RRAS2: variants seen among roughly 807,000 people sequenced by gnomAD.
The protein encoded by RRAS2 is ras-related protein R-Ras2.
A neutral mutation model predicts 27.6 loss-of-function variants in RRAS2; 7 were observed. The ratio of observed to expected loss-of-function variants is 0.25; its 90% CI spans 0.14 to 0.48. The LOEUF is 0.48. Ranked by LOEUF, RRAS2 falls within the 20% of genes least tolerant of loss-of-function variation. The pLI, the probability that RRAS2 is intolerant of heterozygous loss-of-function variation, is 0.99. For missense variants in RRAS2, 178 were observed against 256.2 expected, an observed-to-expected ratio of 0.69 and a Z score of 2.08; for synonymous variants, 86 against 90.9, an observed-to-expected ratio of 0.95 and a Z score of 0.31.
chr11:14,295,923 T>C (rs781903411), intron 1 of RRAS2, 68 bp from the exon 2 acceptor site: 4 of 1,451,740 alleles, frequency 2.8e-6, no homozygotes, highest in South Asian at 2.3e-5. Flanking sequence ...CCTGTAATCC[T>C]ATGCTCTGGG....
chr11:14,348,813 T>C lies in RRAS2; in HGVS notation c.108+9950A>G, dbSNP rs1273433397. 2.0e-5 allele frequency among the ~76,000 whole-genome samples: 3 copies of C among 152,296 alleles called. No homozygotes were observed. The South Asian group carries it at 6.2e-4, about 32-fold the overall frequency. On this transcript the variant is annotated intron_variant, in intron 1 of 5. Transcript: ENST00000256196. The stretch of plus-strand genomic sequence containing the variant: ...TTCCAGTAGAGAATAGTATTAATGG[T>C]ATTTAGAAACCAAGATCTAGTGCTA...
chr11:14,281,565 T>C, intron 5 of RRAS2, 37 bp downstream of exon 5: 4 of 1,473,542 alleles, frequency 2.7e-6, no homozygotes, highest in Middle Eastern at 1.8e-4. Flanking sequence ...TTAATAGTAA[T>C]TTATTAAAAC....
At chr11:14,306,612 T>C (rs978697384) in intron 1 of RRAS2, among the ~76,000 whole-genome samples, 1 of 152,126 alleles carries the variant, frequency 6.6e-6, no homozygotes, top group African/African-American at 2.4e-5. Context: ...ATACCCAGGA[T>C]TTTGGGCAAT....
At chr11:14,345,204 TG>T (rs1848804601) in intron 1 of RRAS2, among the ~76,000 whole-genome samples, 1 of 152,114 alleles carries the variant, frequency 6.6e-6, no homozygotes, top group Non-Finnish European at 1.5e-5. Flanking sequence ...CAGGCTGGTC[TG>T]GAACTCCTGA....
intron 1 of RRAS2, among the ~76,000 whole-genome samples, chr11:14,325,390 C>T (rs1021606708): frequency 1.6e-4 from 24 of 150,316 alleles, no homozygotes; most frequent in Admixed American, 1.3e-4. Flanking sequence ...TGGCTCACTG[C>T]AAGCTCTGCC....
intron 1 of RRAS2, among the ~76,000 whole-genome samples, chr11:14,326,062 C>T (rs1230448974): frequency 6.6e-6 from 1 of 152,100 alleles, no homozygotes; most frequent in African/African-American, 2.4e-5. Flanking sequence ...AAAACATGGA[C>T]GTGTACTAGA....
intron 1 of RRAS2, among the ~76,000 whole-genome samples, chr11:14,350,194 CTGACTG>C (rs1848921004): frequency 6.6e-6 from 1 of 151,924 alleles, no homozygotes; most frequent in Non-Finnish European, 1.5e-5. Flanking sequence ...TTTTTTTTCA[CTGACTG>C]TAAGTTTGGT....
chr11:14,337,634 A>G (rs183405832), intron 1 of RRAS2, among the ~76,000 whole-genome samples: 68 of 152,298 alleles, frequency 4.5e-4, no homozygotes, highest in Non-Finnish European at 8.5e-4. Context: ...TACTGTGCCT[A>G]ATTTATAAAT....
chr11:14,345,468 C>T (rs1032153207), intron 1 of RRAS2, among the ~76,000 whole-genome samples: 1 of 152,114 alleles, frequency 6.6e-6, no homozygotes, highest in South Asian at 2.1e-4. Context: ...TACTAAAATA[C>T]TTATAGTCTA....
chr11:14,317,153 T>A (rs373849028), intron 1 of RRAS2, among the ~76,000 whole-genome samples: 2 of 152,340 alleles, frequency 1.3e-5, no homozygotes, highest in African/African-American at 4.8e-5. Flanking sequence ...CTTATAGGTG[T>A]TGGGTGGAGT....
intron 1 of RRAS2, among the ~76,000 whole-genome samples, chr11:14,348,538 A>C (rs559105520): frequency 1.3e-5 from 2 of 152,182 alleles, no homozygotes; most frequent in Non-Finnish European, 2.9e-5. Flanking sequence ...GGACTTCTAG[A>C]TCATTTATTT....
At chr11:14,287,554 C>G (rs1849695385) in intron 4 of RRAS2, among the ~76,000 whole-genome samples, 1 of 152,068 alleles carries the variant, frequency 6.6e-6, no homozygotes. Flanking sequence ...ACAGGAATAG[C>G]AACTCACCTA....
intron 1 of RRAS2, among the ~76,000 whole-genome samples, chr11:14,347,656 C>CA (rs1387786135): frequency 1.3e-5 from 2 of 151,774 alleles, no homozygotes; most frequent in African/African-American, 2.4e-5. Flanking sequence ...CTCGTCGCTA[C>CA]AAAAAATCAA....
At chr11:14,317,190 AT>A (rs1554949658) in intron 1 of RRAS2, among the ~76,000 whole-genome samples, 48 of 152,356 alleles carry the variant, frequency 3.2e-4, no homozygotes, top group Middle Eastern at 3.4e-3. Context: ...CATCCAAGTT[AT>A]GGAAGAAGAG....
intron 4 of RRAS2, among the ~76,000 whole-genome samples, chr11:14,294,076 A>T (rs2133960900): frequency 6.6e-6 from 1 of 152,384 alleles, no homozygotes; most frequent in East Asian, 1.9e-4. Context: ...GCCATTCTCT[A>T]CATGAAGTTA....
intron 1 of RRAS2, among the ~76,000 whole-genome samples, chr11:14,342,554 G>A (rs1848735836): frequency 6.6e-6 from 1 of 152,128 alleles, no homozygotes; most frequent in Admixed American, 6.5e-5. Flanking sequence ...TTACCGCATT[G>A]TATAGGAAAA....
At chr11:14,298,062 GTAAA>G (rs1847603013) in intron 1 of RRAS2, among the ~76,000 whole-genome samples, 1 of 149,296 alleles carries the variant, frequency 6.7e-6, no homozygotes, top group Non-Finnish European at 1.5e-5. Context: ...ACTTCAAAAA[GTAAA>G]TAAATTTTAC....
chr11:14,310,303 G>A (rs1242973605), intron 1 of RRAS2, among the ~76,000 whole-genome samples: 1 of 152,234 alleles, frequency 6.6e-6, no homozygotes, highest in Non-Finnish European at 1.5e-5. Context: ...GGGATTCACT[G>A]AGAAGGTGGG....
chr11:14,281,486 G>A (rs1052274975), intron 5 of RRAS2, 116 bp downstream of exon 5: 4 of 673,940 alleles, frequency 5.9e-6, no homozygotes, highest in African/African-American at 5.7e-5. Flanking sequence ...CTTAAAAATT[G>A]TAATGCACCA....
Sources: gnomAD v4.1 joint callset for allele counts (sites outside exome capture counted in the v4.1 genomes callset) on GRCh38, gnomAD v4.1.1 for gene constraint, MANE v1.5 for transcripts, NCBI Gene and HGNC (gene_info 2026-07-23, HGNC 2026-07-21) for gene names.